The following STARD10 variants were observed in gnomAD, a reference collection of about 807,000 sequenced individuals.
The protein encoded by STARD10 is StAR related lipid transfer domain containing 10, also known as START domain-containing protein 10.
STARD10 carries 24 observed loss-of-function variants against 36.0 expected under a neutral mutation model. The observed-to-expected ratio is 0.67, with a 90% CI of 0.48 to 0.94. STARD10 has a LOEUF of 0.94. STARD10 is among the 40% of genes least tolerant of loss of function. The pLI, the probability that STARD10 is intolerant of heterozygous loss-of-function variation, is 0.00. For synonymous variants in STARD10, 156 were observed against 161.9 expected (o/e 0.96, Z 0.28); for missense variants, 335 against 396.6 (o/e 0.84, Z 1.32).
chr11:72,776,018 C>T (rs1487959860), intron 2 of STARD10, among the ~76,000 whole-genome samples: 1 of 152,216 alleles, frequency 6.6e-6, no homozygotes, highest in African/African-American at 2.4e-5. Flanking sequence ...AAAGTCTAGA[C>T]ACTGACTACC....
At chr11:72,788,712 G>A (rs1384899792) in intron 1 of STARD10, among the ~76,000 whole-genome samples, 6 of 151,874 alleles carry the variant, frequency 4.0e-5, no homozygotes, top group Admixed American at 6.6e-5. Context: ...ACAGGCATGC[G>A]CCACCACGCC....
In STARD10 at chr11:72,760,350, C is replaced by T. The variant is rs1448356682; in HGVS notation, c.208-969G>A. 2.0e-5 allele frequency among the ~76,000 whole-genome samples: 3 copies of T among 152,142 alleles called. No homozygotes were observed. In the East Asian group the frequency reaches 5.8e-4, roughly 29 times the overall value. On this transcript the variant is annotated intron_variant, in intron 2 of 6. Transcript: ENST00000334805. The stretch of plus-strand genomic sequence containing the variant: ...CAAAGGATTCTCCTGCCTCAGCCTC[C>T]TGAGTAGATGGGATTACAGGCACCT...
rs1402611847 is a variant in STARD10, at chr11:72,761,774, C to T, written c.208-2393G>A. Reference sequence around the variant, plus strand: ...ACAAACAAAAAAAAAGCAGCATAACCTCAATTGGGGGAAAAAAAATATACG... The same window carrying T: ...ACAAACAAAAAAAAAGCAGCATAACTTCAATTGGGGGAAAAAAAATATACG... On this transcript the variant is annotated intron_variant, in intron 2 of 6. Transcript: ENST00000334805. Among the ~76,000 whole-genome samples, 3 of 151,744 alleles carry T rather than the reference C, an allele frequency of 2.0e-5. No homozygotes were observed. In the East Asian group the frequency reaches 5.8e-4, roughly 29 times the overall value.
chr11:72,781,677 T>TCCGCCGGGGC lies in STARD10; in HGVS notation c.-113-393_-113-384dup, dbSNP rs953109367. On this transcript the variant is annotated intron_variant, in intron 1 of 6. Transcript: ENST00000334805. The surrounding 1 kb of genome is among the most constrained non-coding windows in gnomAD (Gnocchi z 4.7). ...CGGGCTGCTCACCTTTGCCCGCCGCTCCGCCGGGGCCCGCCGGGGCCGGGG... is the reference window on the plus strand; with the variant it reads ...CGGGCTGCTCACCTTTGCCCGCCGCTCCGCCGGGGCCCGCCGGGGCCCGCCGGGGCCGGGG... 6.3e-5 allele frequency: 9 copies of TCCGCCGGGGC among 142,940 alleles called. No homozygotes were observed. The highest frequency in any genetic ancestry group is 7.7e-5 in the Non-Finnish European group (5 of 64,998). 8.9% of individuals were successfully genotyped at this position (142,940 alleles called of 1,614,324 possible).
Position 72,766,551 on chromosome 11 carries a change from G to A in STARD10, c.208-7170C>T, listed in dbSNP as rs117709408. Among the ~76,000 whole-genome samples, 597 of 152,302 alleles carry A rather than the reference G, an allele frequency of 3.9e-3. 4 individuals are homozygous for A. The highest frequency in any genetic ancestry group is 6.0e-3 in the Non-Finnish European group (406 of 68,020). On this transcript the variant is annotated intron_variant, in intron 2 of 6. Transcript: ENST00000334805. Reference sequence around the variant, plus strand: ...GGGACGAGTGGTGCAAAGGCCTGGAGGCTTAAACAAACAAGTACAGTGCAG... The same window carrying A: ...GGGACGAGTGGTGCAAAGGCCTGGAAGCTTAAACAAACAAGTACAGTGCAG...
At chr11:72,764,781 T>C (rs1858764113) in intron 2 of STARD10, among the ~76,000 whole-genome samples, 1 of 152,188 alleles carries the variant, frequency 6.6e-6, no homozygotes, top group African/African-American at 2.4e-5. Context: ...TATTAGGCCC[T>C]GGCTGAGTGA....
At chr11:72,788,514 A>C (rs767067417) in intron 1 of STARD10, among the ~76,000 whole-genome samples, 22 of 151,698 alleles carry the variant, frequency 1.5e-4, no homozygotes, top group Non-Finnish European at 2.6e-4. Context: ...TACCAGATTT[A>C]GCAAATATTT....
At chr11:72,771,125 G>A (rs907244384) in intron 2 of STARD10, among the ~76,000 whole-genome samples, 1 of 152,194 alleles carries the variant, frequency 6.6e-6, no homozygotes, top group Non-Finnish European at 1.5e-5. Flanking sequence ...GTGAAGTGGA[G>A]GAACCAGGTT....
intron 1 of STARD10, among the ~76,000 whole-genome samples, chr11:72,784,489 T>A (rs1859046593): frequency 6.6e-6 from 1 of 152,174 alleles, no homozygotes. Flanking sequence ...ACTAAAAATA[T>A]AACTGGTGGG....
chr11:72,775,114 C>G (rs1858913581), intron 2 of STARD10, among the ~76,000 whole-genome samples: 2 of 152,190 alleles, frequency 1.3e-5, no homozygotes, highest in Admixed American at 1.3e-4. Flanking sequence ...CAGGCCCCAT[C>G]CATGTACAGG....
intron 1 of STARD10, among the ~76,000 whole-genome samples, chr11:72,788,902 CTG>C (rs1859106625): frequency 6.6e-6 from 1 of 152,150 alleles, no homozygotes; most frequent in Admixed American, 6.5e-5. Context: ...GTTGCCCAGA[CTG>C]GAGTACAGTG....
chr11:72,789,914 C>A (rs1163631334), intron 1 of STARD10, among the ~76,000 whole-genome samples: 3 of 152,172 alleles, frequency 2.0e-5, no homozygotes, highest in South Asian at 2.1e-4. Flanking sequence ...CTTTCAGCAC[C>A]TTCTAAATTT....
intron 2 of STARD10, among the ~76,000 whole-genome samples, chr11:72,772,658 T>C (rs1858878539): frequency 6.6e-6 from 1 of 152,164 alleles, no homozygotes. Flanking sequence ...TCTGTCTGTC[T>C]GTCTATCTCT....
At chr11:72,762,710 C>CTGG (rs1858737412) in intron 2 of STARD10, among the ~76,000 whole-genome samples, 1 of 152,116 alleles carries the variant, frequency 6.6e-6, no homozygotes, top group African/African-American at 2.4e-5. Flanking sequence ...GCTCCATGGG[C>CTGG]TGGGTCGGGG....
At chr11:72,792,419 C>T (rs1474676467) in intron 1 of STARD10, among the ~76,000 whole-genome samples, 1 of 152,078 alleles carries the variant, frequency 6.6e-6, no homozygotes, top group Non-Finnish European at 1.5e-5. Context: ...TCATGACTTG[C>T]CTGGGGAGGC....
chr11:72,754,795 C>T lies in STARD10; in HGVS notation c.*102G>A, dbSNP rs1216292785. 8 of 1,502,922 alleles carry T rather than the reference C, an allele frequency of 5.3e-6. No individual in the cohort carries two copies. The Admixed American group carries it at 1.4e-4, about 26-fold the overall frequency. The allele number at this position is 1,502,922 out of a possible 1,614,324, so 93.1% of individuals were successfully genotyped here. ...CTGCAGCACCCGCCTGGGCCTGGCC[C>T]GGTGCCACCAGGTGCCGGGTGGGGG... On this transcript the variant is annotated 3_prime_UTR_variant, in exon 7 of 7. Coordinates refer to ENST00000334805, the MANE Select transcript of STARD10 (RefSeq NM_006645.3).
At position 72,758,581 on chromosome 11, in the gene STARD10, C is replaced by G; in HGVS notation, c.408G>C (p.Trp136Cys). 6.2e-7 allele frequency: 1 copy of G among 1,614,030 alleles called. No individual in the cohort carries two copies. The highest frequency in any genetic ancestry group is 8.5e-7 in the Non-Finnish European group (1 of 1,179,990). Residue 136 changes from tryptophan (W) to cysteine (C), a missense_variant, in exon 4 of 7, where the codon TGG becomes TGC. Physicochemically the swap from Trp to Cys is radical, Grantham distance 215. Transcript: ENST00000334805. ...TGATGTAATCAGCGCCCATGGGGAG[C>G]CAGGAGCGGAGGGTGATGACATCAC... Reference protein sequence around the residue: ...KNRDVITLRSWLPMGADYIIM... With the variant: ...KNRDVITLRSCLPMGADYIIM...
chr11:72,791,974 A>C (rs923411796), intron 1 of STARD10, among the ~76,000 whole-genome samples: 1 of 151,192 alleles, frequency 6.6e-6, no homozygotes, highest in Non-Finnish European at 1.5e-5. Context: ...TCCTGGGTTC[A>C]AGCGATTCTT....
chr11:72,786,679 T>G (rs1422982518), intron 1 of STARD10, among the ~76,000 whole-genome samples: 3 of 152,030 alleles, frequency 2.0e-5, no homozygotes, highest in Non-Finnish European at 4.4e-5. Flanking sequence ...ACAGAAACAC[T>G]CCACCTTGGT....
Sources: allele counts gnomAD v4.1 joint callset (sites outside exome capture counted in the v4.1 genomes callset), GRCh38; gene constraint gnomAD v4.1.1; non-coding constraint Gnocchi (gnomAD v3.1); transcripts MANE v1.5; gene names NCBI Gene and HGNC (gene_info 2026-07-23, HGNC 2026-07-21).